The following UBE3B variants were observed in gnomAD, a reference collection of about 807,000 sequenced individuals.
UBE3B encodes the protein ubiquitin-protein ligase E3B.
Under a neutral mutation model 132.3 loss-of-function variants are expected in UBE3B, and 80 were observed. The observed-to-expected ratio is 0.60, with a 90% CI of 0.50 to 0.73. The LOEUF is 0.73. Ranked by LOEUF, UBE3B falls within the 30% of genes least tolerant of loss-of-function variation. The pLI, the probability that UBE3B is intolerant of heterozygous loss-of-function variation, is 0.00. For missense variants in UBE3B, 1,196 were observed against 1,362.5 expected (o/e 0.88, Z 1.92); for synonymous variants, 487 against 520.4 (o/e 0.94, Z 0.87).
chr12:109,535,565 G>T lies in UBE3B; in HGVS notation c.*783G>T, dbSNP rs2136161229. On this transcript the variant is annotated 3_prime_UTR_variant, in exon 28 of 28. Transcript: ENST00000342494. Reference sequence around the variant, plus strand: ...TTAGCAGCAGCCCCGTTTCCAGAATGTGCTGCCTGTTCCCCAAAGCCTGCT... The same window carrying T: ...TTAGCAGCAGCCCCGTTTCCAGAATTTGCTGCCTGTTCCCCAAAGCCTGCT... The T allele has an allele frequency of 6.6e-6, 1 of 152,398 alleles. No individual in the cohort carries two copies. The highest frequency in any genetic ancestry group is 2.1e-4 in the South Asian group (1 of 4,832). 9.4% of individuals were successfully genotyped at this position (152,398 alleles called of 1,614,324 possible).
chr12:109,514,190 C>G (rs1224585557), intron 18 of UBE3B, among the ~76,000 whole-genome samples: 2 of 152,318 alleles, frequency 1.3e-5, no homozygotes, highest in African/African-American at 4.8e-5. Context: ...CTTAAGTCCT[C>G]TCTGCCTTTT....
In UBE3B at chr12:109,534,981, C is replaced by T; in HGVS notation, c.*199C>T. The T allele has an allele frequency of 2.4e-6, 1 of 415,080 alleles. No homozygotes were observed. The highest frequency in any genetic ancestry group is 4.2e-6 in the Non-Finnish European group (1 of 237,702). The allele number at this position is 415,080 out of a possible 1,614,324, so 25.7% of individuals were successfully genotyped here. Reference sequence around the variant, plus strand: ...CTACACAGCATCTCCAGGTGATGCCCAAGGCACAGGGCTGCAGAAAATAAA... The same window carrying T: ...CTACACAGCATCTCCAGGTGATGCCTAAGGCACAGGGCTGCAGAAAATAAA... On this transcript the variant is annotated 3_prime_UTR_variant, in exon 28 of 28. Transcript: ENST00000342494. This position sits in a 1 kb window ranked among gnomAD's most constrained non-coding sequence, Gnocchi z 5.2.
intron 5 of UBE3B, 98 bp from the exon 6 acceptor site, chr12:109,486,373 G>A: frequency 1.0e-6 from 1 of 975,318 alleles, no homozygotes. Flanking sequence ...GCTTTATCTG[G>A]CACTGGACCT....
At chr12:109,502,328 C>T (rs546674526) in intron 13 of UBE3B, among the ~76,000 whole-genome samples, 25 of 152,324 alleles carry the variant, frequency 1.6e-4, no homozygotes, top group Admixed American at 3.9e-4. Context: ...GCGGGGCTAG[C>T]GCTTCAGTGG....
At position 109,536,552 on chromosome 12, in the gene UBE3B, C is replaced by G. The variant is rs1883450855; in HGVS notation, c.*1770C>G. On this transcript the variant is annotated 3_prime_UTR_variant, in exon 28 of 28. Coordinates refer to ENST00000342494, the MANE Select transcript of UBE3B (RefSeq NM_130466.4). ...TCAGCAGCTGGAAATATTGCACTAT[C>G]TGAAACACTGAATCTCCTTTTGTAA... 6.6e-6 allele frequency: 1 copy of G among 152,192 alleles called. No individual in the cohort carries two copies. The highest frequency in any genetic ancestry group is 2.4e-5 in the African/African-American group (1 of 41,428). 9.4% of individuals were successfully genotyped at this position (152,192 alleles called of 1,614,324 possible). A position where few individuals can be genotyped will look rare whatever the true frequency, so the allele number is the denominator to read the frequency against.
At chr12:109,538,183 C>G (rs1008738088), downstream of UBE3B, among the ~76,000 whole-genome samples, 1 of 152,256 alleles carries the variant, frequency 6.6e-6, no homozygotes, top group Non-Finnish European at 1.5e-5. The surrounding 1 kb of genome is among the most constrained non-coding windows in gnomAD (Gnocchi z 4.1). Flanking sequence ...GGCCTCCACT[C>G]TTCTGACAGC....
the UBE3B span, among the ~76,000 whole-genome samples, chr12:109,544,229 C>G: frequency 3.9e-5 from 6 of 152,296 alleles, no homozygotes; most frequent in Admixed American, 1.3e-4. Context: ...ACGTGGCCAC[C>G]AGCAGGCCAT....
intron 14 of UBE3B, among the ~76,000 whole-genome samples, chr12:109,506,184 G>C (rs1879647672): frequency 1.3e-5 from 2 of 152,258 alleles, no homozygotes; most frequent in African/African-American, 4.8e-5. Context: ...TAACATAATA[G>C]AATAATAGAG....
chr12:109,491,089 C>T lies in UBE3B; in HGVS notation c.675C>T (p.Ser225=). 2 of 1,614,064 alleles carry T rather than the reference C, an allele frequency of 1.2e-6. No individual in the cohort carries two copies. The highest frequency in any genetic ancestry group is 1.7e-6 in the Non-Finnish European group (2 of 1,179,942). The part of the protein sequence containing the change: ...RGLARPRPCL[S]KGTLTAAFSL... ...TGGCAAGACCCCGTCCTTGTCTATC[C>T]AAAGGCACTTTAACAGCAGCTTTTT... The change falls in exon 9 of 28, where the codon TCC becomes TCT. Residue 225 remains serine (S), a synonymous_variant. Transcript: ENST00000342494.
intron 26 of UBE3B, among the ~76,000 whole-genome samples, chr12:109,532,232 G>T (rs555374941): frequency 3.7e-4 from 57 of 152,290 alleles, no homozygotes; most frequent in African/African-American, 1.3e-3. Context: ...ACTAACCACA[G>T]CCCCGACACA....
In UBE3B at chr12:109,536,366, C is replaced by T. The variant is rs946004917; in HGVS notation, c.*1584C>T. 6.6e-6 allele frequency: 1 copy of T among 152,170 alleles called. No individual in the cohort carries two copies. The highest frequency in any genetic ancestry group is 1.5e-5 in the Non-Finnish European group (1 of 68,036). 9.4% of individuals were successfully genotyped at this position (152,170 alleles called of 1,614,324 possible). A position where few individuals can be genotyped will look rare whatever the true frequency, so the allele number is the denominator to read the frequency against. On this transcript the variant is annotated 3_prime_UTR_variant, in exon 28 of 28. Transcript: ENST00000342494. ...GGGTTCGTGCATACATGCGGGGACC[C>T]CAGACTGTCAGCACAGGGAAGATGG...
intron 4 of UBE3B, 121 bp downstream of exon 4, chr12:109,484,102 TC>T (rs1438615417): frequency 2.7e-6 from 3 of 1,101,914 alleles, no homozygotes; most frequent in Non-Finnish European, 3.8e-6. Flanking sequence ...TCACATCCTG[TC>T]CCTTTTGTTT....
Position 109,486,453 on chromosome 12 carries a change from T to A in UBE3B, c.343-18T>A. ...TCTCTATAACAGCCCATGACATTCC[T>A]CTTTTTCCCACCTATAGGTGTGGTA... On this transcript the variant is annotated intron_variant, in intron 5 of 27. Coordinates refer to ENST00000342494, the MANE Select transcript of UBE3B (RefSeq NM_130466.4). 4 of 1,582,874 alleles carry A rather than the reference T, an allele frequency of 2.5e-6. No individual in the cohort carries two copies. The highest frequency in any genetic ancestry group is 3.4e-6 in the Non-Finnish European group (4 of 1,161,178).
At chr12:109,538,790 G>T (rs149779332), downstream of UBE3B, among the ~76,000 whole-genome samples, 153 of 152,294 alleles carry the variant, frequency 1.0e-3, 2 homozygotes, top group East Asian at 0.019. This position sits in a 1 kb window ranked among gnomAD's most constrained non-coding sequence, Gnocchi z 4.1. Context: ...CCACACTGCC[G>T]CCTCTGAGGA....
At chr12:109,541,349 G>A (rs12821045), downstream of UBE3B, among the ~76,000 whole-genome samples, 25,579 of 152,136 alleles carry the variant, frequency 0.17, 2,219 homozygotes, top group African/African-American at 0.18. Flanking sequence ...ACTTGAGCTC[G>A]GATCACCACA....
chr12:109,497,624 C>T (rs1380311471), intron 9 of UBE3B, among the ~76,000 whole-genome samples, 194 bp from the exon 10 acceptor site: 1 of 152,168 alleles, frequency 6.6e-6, no homozygotes, highest in Non-Finnish European at 1.5e-5. Flanking sequence ...CATAGCTGCA[C>T]AGTATGGCAT....
intron 12 of UBE3B, 23 bp from the exon 13 acceptor site, chr12:109,501,348 A>T: frequency 2.5e-6 from 4 of 1,613,172 alleles, no homozygotes; most frequent in Non-Finnish European, 3.4e-6. Flanking sequence ...CTGACAGACC[A>T]GGTCTCCTCT....
intron 6 of UBE3B, among the ~76,000 whole-genome samples, chr12:109,487,211 A>G (rs1876652378): frequency 6.6e-6 from 1 of 152,188 alleles, no homozygotes; most frequent in Non-Finnish European, 1.5e-5. Context: ...TGAACCAGTC[A>G]CAGTGGCAAG....
rs1881778571 is a variant in UBE3B at position 109,522,071 on chromosome 12, C to CA, written c.2364+520_2364+521insA. On this transcript the variant is annotated intron_variant, in intron 21 of 27. Transcript: ENST00000342494. This position sits in a 1 kb window ranked among gnomAD's most constrained non-coding sequence, Gnocchi z 4.2. ...GACAGGACCAGCTGTTCCTAGTCAG[C>CA]CGTGTGACCATGTGCCTTCAAGTTT... 6.6e-6 allele frequency among the ~76,000 whole-genome samples: 1 copy of CA among 152,178 alleles called. No homozygotes were observed. Among genetic ancestry groups the CA allele is most frequent in the African/African-American group, 2.4e-5 (1 of 41,428 alleles).
Sources: gnomAD v4.1 joint callset for allele counts (sites outside exome capture counted in the v4.1 genomes callset) on GRCh38, gnomAD v4.1.1 for gene constraint, Gnocchi (gnomAD v3.1) non-coding constraint, MANE v1.5 for transcripts, NCBI Gene and HGNC (gene_info 2026-07-23, HGNC 2026-07-21) for gene names.